The following DMD variants were observed in gnomAD, a reference collection of about 807,000 sequenced individuals.
DMD encodes the protein dystrophin, also known as mutant dystrophin.
DMD carries 63 observed loss-of-function variants against 330.1 expected under a neutral mutation model. That is an observed-to-expected ratio of 0.19 (90% CI 0.16 to 0.24). The LOEUF (loss-of-function observed/expected upper bound fraction) is 0.24. Among genes scored for constraint, DMD ranks in the 10% least tolerant of loss-of-function variants. DMD has a pLI of 1.00. For missense variants in DMD, 3,344 were observed against 2,684.1 expected, an observed-to-expected ratio of 1.25 and a Z score of -5.43; for synonymous variants, 1,223 against 959.8, an observed-to-expected ratio of 1.27 and a Z score of -5.07.
chrX:32,533,348 C>G (rs1165195919), intron 17 of DMD, among the ~76,000 whole-genome samples: 1 of 111,727 alleles, frequency 9.0e-6, no homozygotes, highest in Non-Finnish European at 1.9e-5. Context: ...ACTTCCTTTA[C>G]TTCATACTTC....
chrX:31,819,442 G>A (rs1428363066), intron 50 of DMD, among the ~76,000 whole-genome samples: 4 of 110,925 alleles, frequency 3.6e-5, no homozygotes, highest in Non-Finnish European at 7.6e-5. Flanking sequence ...CCCTCTTCAG[G>A]AACAATGCAC....
intron 2 of DMD, among the ~76,000 whole-genome samples, chrX:32,882,569 T>C (rs2084062420): frequency 8.9e-6 from 1 of 112,283 alleles, no homozygotes; most frequent in African/African-American, 3.2e-5. Context: ...CTACTACTTT[T>C]ATAAAATAAT....
At chrX:31,371,382 A>C (rs941436008) in intron 60 of DMD, among the ~76,000 whole-genome samples, 2 of 111,976 alleles carry the variant, frequency 1.8e-5, no homozygotes, top group African/African-American at 3.2e-5. Flanking sequence ...GCAATATACC[A>C]ATAGTTTTCT....
chrX:32,624,704 G>A (rs375088763), intron 11 of DMD, among the ~76,000 whole-genome samples: 16 of 111,719 alleles, frequency 1.4e-4, no homozygotes, highest in African/African-American at 4.9e-4. Flanking sequence ...AATGGTATAA[G>A]TCACTTTGAG....
At chrX:32,381,224 C>G (rs1326224567) in intron 33 of DMD, among the ~76,000 whole-genome samples, 2 of 111,566 alleles carry the variant, frequency 1.8e-5, no homozygotes, top group East Asian at 5.6e-4. Context: ...AAAAACAATA[C>G]AGTGAATAGG....
intron 11 of DMD, among the ~76,000 whole-genome samples, chrX:32,642,197 T>A (rs937182944): frequency 3.2e-4 from 36 of 111,880 alleles, no homozygotes; most frequent in Non-Finnish European, 9.4e-5. Context: ...ACTCTCATAT[T>A]ATTTCTGAAT....
intron 1 of DMD, among the ~76,000 whole-genome samples, chrX:33,302,491 G>A (rs6631775): frequency 0.067 from 7,470 of 111,596 alleles, 316 homozygotes; most frequent in East Asian, 0.19. Flanking sequence ...TACTAATTCC[G>A]TGAGCATATC....
rs192226304 is a variant in DMD at position 31,147,255 on chromosome X, A to T, written c.10797+20T>A. The T allele has an allele frequency of 1.3e-5, 16 of 1,209,071 alleles. No individual in the cohort carries two copies. The Admixed American group carries it at 3.5e-4, about 26-fold the overall frequency. On this transcript the variant is annotated intron_variant, in intron 75 of 78. Transcript: ENST00000357033. ...AGAGGGAAAAATGAATGTTTGTAAA[A>T]ATCCCATCTCTCTCCTCACTTGCTC...
chrX:32,352,777 A>T (rs1442653944), intron 37 of DMD, among the ~76,000 whole-genome samples: 1 of 110,943 alleles, frequency 9.0e-6, no homozygotes, highest in Non-Finnish European at 1.9e-5. Flanking sequence ...GGGTATAGGA[A>T]AAATTACGGG....
intron 2 of DMD, among the ~76,000 whole-genome samples, chrX:32,947,780 C>G (rs2090923451): frequency 9.0e-6 from 1 of 110,809 alleles, no homozygotes; most frequent in African/African-American, 3.3e-5. Flanking sequence ...TTTACCCAGG[C>G]CTCTAATGAG....
chrX:33,227,230 T>C (rs2052308125), intron 1 of DMD, among the ~76,000 whole-genome samples: 1 of 111,354 alleles, frequency 9.0e-6, no homozygotes. Context: ...TAAATCTATG[T>C]GGATGACATT....
intron 44 of DMD, among the ~76,000 whole-genome samples, chrX:32,069,297 C>T (rs1009363846): frequency 7.2e-5 from 8 of 110,387 alleles, no homozygotes; most frequent in South Asian, 3.7e-4. Context: ...TGTATCAACA[C>T]AAAAATAAAA....
chrX:32,082,005 G>T (rs746084613), intron 44 of DMD, among the ~76,000 whole-genome samples: 68 of 111,023 alleles, frequency 6.1e-4, no homozygotes, highest in African/African-American at 2.0e-3. Flanking sequence ...TTTTTATTTG[G>T]CTGTCAGGAG....
chrX:32,680,450 C>A (rs751762278), intron 9 of DMD, among the ~76,000 whole-genome samples: 1 of 110,764 alleles, frequency 9.0e-6, no homozygotes, highest in Non-Finnish European at 1.9e-5. Context: ...GTAAGTTTCT[C>A]CAAGCCAAAG....
chrX:31,299,367 C>G (rs926876528), intron 62 of DMD, among the ~76,000 whole-genome samples: 15 of 111,265 alleles, frequency 1.3e-4, no homozygotes, highest in Non-Finnish European at 3.8e-5. Flanking sequence ...AAAAAAAAAG[C>G]ACATCTCCCT....
At chrX:32,081,318 C>G (rs776936139) in intron 44 of DMD, among the ~76,000 whole-genome samples, 1 of 112,091 alleles carries the variant, frequency 8.9e-6, no homozygotes, top group Non-Finnish European at 1.9e-5. Flanking sequence ...TGGTATCATA[C>G]TGTGGGACAA....
At chrX:33,102,262 G>GA (rs1337407152) in intron 1 of DMD, among the ~76,000 whole-genome samples, 71 of 107,644 alleles carry the variant, frequency 6.6e-4, no homozygotes, top group Admixed American at 3.7e-3. Flanking sequence ...TATAATTTTG[G>GA]AAAAAAAGAA....
chrX:32,952,506 T>G (rs1023664677), intron 2 of DMD, among the ~76,000 whole-genome samples: 2 of 111,164 alleles, frequency 1.8e-5, no homozygotes, highest in South Asian at 3.8e-4. Flanking sequence ...AAAGTTCAGA[T>G]CAATTTTATA....
rs1331697448 is a variant in DMD, at chrX:31,120,876, T to G, written c.*1043A>C. On this transcript the variant is annotated 3_prime_UTR_variant, in exon 79 of 79. Coordinates refer to ENST00000357033, the MANE Select transcript of DMD (RefSeq NM_004006.3). The stretch of plus-strand genomic sequence containing the variant: ...GCAGGAAGCTGAATGTATCAATCAA[T>G]CAATCAATCAACCAACCAACCGATT... The G allele has an allele frequency of 2.7e-5, 3 of 110,874 alleles. No homozygotes were observed. The highest frequency in any genetic ancestry group is 1.0e-4 in the African/African-American group (3 of 29,823). 9.1% of individuals were successfully genotyped at this position (110,874 alleles called of 1,213,427 possible).
Sources: allele counts gnomAD v4.1 joint callset (sites outside exome capture counted in the v4.1 genomes callset), GRCh38; gene constraint gnomAD v4.1.1; transcripts MANE v1.5; gene names NCBI Gene and HGNC (gene_info 2026-07-23, HGNC 2026-07-21).